Variants in MAP1S observed in about 807,000 individuals in gnomAD.
MAP1S encodes the protein microtubule-associated protein 1S.
A neutral mutation model predicts 60.9 loss-of-function variants in MAP1S; 27 were observed. The ratio of observed to expected loss-of-function variants is 0.44; its 90% CI spans 0.33 to 0.61. The LOEUF is 0.61. Ranked by LOEUF, MAP1S falls within the 20% of genes least tolerant of loss-of-function variation. MAP1S has a pLI of 0.03. For synonymous variants in MAP1S, 826 were observed against 694.2 expected, an observed-to-expected ratio of 1.19 and a Z score of -2.98; for missense variants, 1,608 against 1,486.6, an observed-to-expected ratio of 1.08 and a Z score of -1.34.
chr19:17,731,421 T>A (rs1358850755), intron 5 of MAP1S, among the ~76,000 whole-genome samples: 1 of 152,188 alleles, frequency 6.6e-6, no homozygotes, highest in South Asian at 2.1e-4. Context: ...AGCATACATG[T>A]GATGATTTAT....
At position 17,727,513 on chromosome 19, in the gene MAP1S, C is replaced by T; in HGVS notation, c.2129C>T (p.Ala710Val). Reference sequence around the variant, plus strand: ...TTTGAGCAGGTGCTGCCGCCATCCGCCCCCACCAGTGAGGCTGGGCTGAGC... The same window carrying T: ...TTTGAGCAGGTGCTGCCGCCATCCGTCCCCACCAGTGAGGCTGGGCTGAGC... ...VSFEQVLPPS[A>V]PTSEAGLSLP... Residue 710 changes from alanine to valine, a missense_variant, in exon 5 of 7, where the codon GCC becomes GTC. Ala to Val is a moderately conservative substitution (Grantham distance 64). This residue lies in a region of MAP1S where 1,167 missense variants were observed against 961.4 expected (regional missense o/e 1.21). Coordinates refer to ENST00000324096, the MANE Select transcript of MAP1S (RefSeq NM_018174.6). The surrounding 1 kb of genome is among the most constrained non-coding windows in gnomAD (Gnocchi z 4.1). The T allele has an allele frequency of 6.2e-7, 1 of 1,610,894 alleles. No individual in the cohort carries two copies. Among genetic ancestry groups the T allele is most frequent in the Non-Finnish European group, 8.5e-7 (1 of 1,179,476 alleles).
rs1324381353 is a variant in MAP1S, at chr19:17,726,501, A to G, written c.1117A>G (p.Ser373Gly). 2 of 1,550,780 alleles carry G rather than the reference A, an allele frequency of 1.3e-6. No individual in the cohort carries two copies. The highest frequency in any genetic ancestry group is 1.7e-6 in the Non-Finnish European group (2 of 1,152,608). Residue 373 changes from serine to glycine, a missense_variant, in exon 5 of 7, where the codon AGC becomes GGC. Around this residue, in one of 4 missense-constraint regions of MAP1S, gnomAD observed 1,167 missense variants for 961.4 expected, o/e 1.21. Coordinates refer to ENST00000324096, the MANE Select transcript of MAP1S (RefSeq NM_018174.6). ...GCTGGGCATCACGCCTCTGCCACTC[A>G]GCCGCGGCCCCGTGCCAGCCAAACC... ...AQLGITPLPL[S>G]RGPVPAKPTV... is the part of the protein sequence containing the mutation.
rs2145975600 is a variant in MAP1S, at chr19:17,726,755, C to T, written c.1371C>T (p.Pro457=). 6 of 1,567,498 alleles carry T rather than the reference C, an allele frequency of 3.8e-6. No individual in the cohort carries two copies. The highest frequency in any genetic ancestry group is 1.7e-4 in the Middle Eastern group (1 of 5,886). The change falls in exon 5 of 7, where the codon CCC becomes CCT. Residue 457 remains proline, a synonymous_variant. Coordinates refer to ENST00000324096, the MANE Select transcript of MAP1S (RefSeq NM_018174.6). ...AGCACTTGAGGTTCCTGCGAGAGCC[C>T]GTGGTGACGCCCCAGGACCTGGAGG... ...RLQHLRFLRE[P]VVTPQDLEGP...
At chr19:17,723,349 C>T (rs1418297612) in intron 2 of MAP1S, among the ~76,000 whole-genome samples, 1 of 150,684 alleles carries the variant, frequency 6.6e-6, no homozygotes, top group Non-Finnish European at 1.5e-5. Flanking sequence ...GAGTTTGAGA[C>T]CAGCCTGACC....
At chr19:17,721,883 G>C (rs1014834058) in intron 2 of MAP1S, among the ~76,000 whole-genome samples, 1 of 152,148 alleles carries the variant, frequency 6.6e-6, no homozygotes, top group African/African-American at 2.4e-5. Flanking sequence ...GTGACCCAGG[G>C]TGAGCAGAGC....
In MAP1S at chr19:17,727,146, T is replaced by C; in HGVS notation, c.1762T>C (p.Cys588Arg). The C allele has an allele frequency of 3.1e-6, 5 of 1,590,420 alleles. No individual in the cohort carries two copies. Among genetic ancestry groups the C allele is most frequent in the Non-Finnish European group, 4.3e-6 (5 of 1,171,626 alleles). Residue 588 changes from cysteine to arginine, a missense_variant, in exon 5 of 7, where the codon TGT (cysteine) becomes CGT (arginine). Physicochemically the swap from Cys to Arg is radical, Grantham distance 180. This residue lies in a region of MAP1S where 1,167 missense variants were observed against 961.4 expected (regional missense o/e 1.21). Transcript: ENST00000324096. The surrounding 1 kb of genome is among the most constrained non-coding windows in gnomAD (Gnocchi z 4.1). Reference sequence around the variant, plus strand: ...ACCCCGCAGCCCGCCCAGCCTCCGATGTGGAGAAGCCAGCCCCCCCAGTGC... The same window carrying C: ...ACCCCGCAGCCCGCCCAGCCTCCGACGTGGAGAAGCCAGCCCCCCCAGTGC... The part of the protein sequence containing the change: ...NGPRSPPSLR[C>R]GEASPPSAAC...
chr19:17,727,143 CGATGTGGAGAAGCCAGCCCCCCCA>C lies in MAP1S; in HGVS notation c.1761_1784del (p.Cys588_Ser595del). 4 of 1,590,998 alleles carry C rather than the reference CGATGTGGAGAAGCCAGCCCCCCCA, an allele frequency of 2.5e-6. No individual in the cohort carries two copies. Among genetic ancestry groups the C allele is most frequent in the Non-Finnish European group, 3.4e-6 (4 of 1,171,890 alleles). On this transcript the variant is annotated inframe_deletion, in exon 5 of 7. Coordinates refer to ENST00000324096, the MANE Select transcript of MAP1S (RefSeq NM_018174.6). This position sits in a 1 kb window ranked among gnomAD's most constrained non-coding sequence, Gnocchi z 4.1. Reference sequence around the variant, plus strand: ...TGGACCCCGCAGCCCGCCCAGCCTCCGATGTGGAGAAGCCAGCCCCCCCAGTGCAGCCTGCGGCTCTCCGGCCTC... The same window carrying C: ...TGGACCCCGCAGCCCGCCCAGCCTCCGTGCAGCCTGCGGCTCTCCGGCCTC...
rs1445095913 is a variant in MAP1S, at chr19:17,726,234, C to T, written c.850C>T (p.Arg284Cys). Residue 284 changes from arginine (R) to cysteine (C), a missense_variant, in exon 5 of 7, where the codon CGC becomes TGC. Coordinates refer to ENST00000324096, the MANE Select transcript of MAP1S (RefSeq NM_018174.6). Reference sequence around the variant, plus strand: ...CTGGAAGCTGGTGCGGCACCTGGACCGCGTGGATGCCGTGCTGGTGACCCA... The same window carrying T: ...CTGGAAGCTGGTGCGGCACCTGGACTGCGTGGATGCCGTGCTGGTGACCCA... ...SFWKLVRHLD[R>C]VDAVLVTHPG... The T allele has an allele frequency of 3.1e-6, 5 of 1,608,236 alleles. No individual in the cohort carries two copies. The highest frequency in any genetic ancestry group is 4.2e-6 in the Non-Finnish European group (5 of 1,177,710).
rs751414500 is a variant in MAP1S, at chr19:17,727,094, C to T, written c.1710C>T (p.His570=). Residue 570 remains histidine (H), a synonymous_variant, in exon 5 of 7, where the codon CAC becomes CAT. Transcript: ENST00000324096. This position sits in a 1 kb window ranked among gnomAD's most constrained non-coding sequence, Gnocchi z 4.1. ...CCCGCAAAGCGCCCAGCACGTCCCA[C>T]TCTGGCTTCCCGCCGGTGGCAAATG... ...PKPRKAPSTS[H]SGFPPVANGP... 1.2e-6 allele frequency: 2 copies of T among 1,600,940 alleles called. No homozygotes were observed. The highest frequency in any genetic ancestry group is 1.3e-5 in the African/African-American group (1 of 74,778).
rs777614576 is a variant in MAP1S at position 17,724,135 on chromosome 19, G to C, written c.230G>C (p.Ser77Thr). 3 of 1,613,858 alleles carry C rather than the reference G, an allele frequency of 1.9e-6. No individual in the cohort carries two copies. The highest frequency in any genetic ancestry group is 1.7e-4 in the Middle Eastern group (1 of 6,060). ...CCTGATTCCCCCACAGGCCAGCGGA[G>C]CCTGCACCACCGTGGAGACAACCTG... ...TFSSIVKGQR[S>T]LHHRGDNLET... Residue 77 changes from serine (S) to threonine (T), a missense_variant, in exon 3 of 7, where the codon AGC (serine) becomes ACC (threonine). Around this residue, in one of 4 missense-constraint regions of MAP1S, gnomAD observed 320 missense variants for 393.1 expected, o/e 0.81. Coordinates refer to ENST00000324096, the MANE Select transcript of MAP1S (RefSeq NM_018174.6).
At position 17,726,050 on chromosome 19, in the gene MAP1S, C is replaced by G. The variant is rs144311962; in HGVS notation, c.666C>G (p.Ser222=). ...EYVAESLEPP[S]PFELLEPPTS... is the part of the protein sequence containing the mutation. ...TGGCTGAGTCTCTGGAGCCACCGTC[C>G]CCCTTCGAGCTGCTGGAGCCCCCGA... Residue 222 remains serine, a synonymous_variant, in exon 5 of 7, where the codon TCC becomes TCG. Coordinates refer to ENST00000324096, the MANE Select transcript of MAP1S (RefSeq NM_018174.6). 6.2e-7 allele frequency: 1 copy of G among 1,613,386 alleles called. No individual in the cohort carries two copies. Among genetic ancestry groups the G allele is most frequent in the Non-Finnish European group, 8.5e-7 (1 of 1,179,864 alleles).
In MAP1S at chr19:17,734,227, C is replaced by G. The variant is rs564710454; in HGVS notation, c.3025-46C>G. 5.2e-6 allele frequency: 8 copies of G among 1,551,130 alleles called. No homozygotes were observed. In the Admixed American group the frequency reaches 1.4e-4, roughly 27 times the overall value. On this transcript the variant is annotated intron_variant, in intron 6 of 6. Coordinates refer to ENST00000324096, the MANE Select transcript of MAP1S (RefSeq NM_018174.6). ...GGCCAGAAGGGCAGGGGGCACCCCC[C>G]TCACTGGTGGTCCACTCTCCCCACA...
chr19:17,730,915 G>C lies in MAP1S; in HGVS notation c.2789-2278G>C, dbSNP rs113840092. Among the ~76,000 whole-genome samples the C allele has an allele frequency of 2.8e-3, 359 of 128,638 alleles. 1 individual carries two copies. The highest frequency in any genetic ancestry group is 9.5e-3 in the African/African-American group (325 of 34,368). The allele number at this position is 128,638 out of a possible 152,430, so 84.4% of individuals were successfully genotyped here. ...TTTTTCTTTTTTTTTTTTTTCAGAT[G>C]AGTCTGGCTCTGTTGCCCAGGCTGC... On this transcript the variant is annotated intron_variant, in intron 5 of 6. Coordinates refer to ENST00000324096, the MANE Select transcript of MAP1S (RefSeq NM_018174.6).
intron 5 of MAP1S, among the ~76,000 whole-genome samples, chr19:17,729,306 G>A (rs1014412611): frequency 6.6e-6 from 1 of 152,054 alleles, no homozygotes; most frequent in Non-Finnish European, 1.5e-5. Context: ...CATTACATAG[G>A]CATCTTCTGC....
Position 17,726,135 on chromosome 19 carries a change from G to C in MAP1S, c.751G>C (p.Gly251Arg). ...CTGCTACATCTTCCCTGGAGGCCTC[G>C]GGGATGCCGCCTTCTTCGCCGTCAA... is the stretch of plus-strand genomic sequence containing the variant. ...PCCYIFPGGL[G>R]DAAFFAVNGF... The change falls in exon 5 of 7, where the codon GGG (glycine) becomes CGG (arginine). Residue 251 changes from glycine (G) to arginine (R), a missense_variant. By Grantham distance (125) the Gly-to-Arg change is moderately radical. Transcript: ENST00000324096. The C allele has an allele frequency of 6.2e-7, 1 of 1,613,926 alleles. No homozygotes were observed. Among genetic ancestry groups the C allele is most frequent in the African/African-American group, 1.3e-5 (1 of 75,050 alleles).
intron 2 of MAP1S, among the ~76,000 whole-genome samples, chr19:17,722,049 C>T (rs1229853496): frequency 2.0e-5 from 3 of 152,168 alleles, no homozygotes; most frequent in Non-Finnish European, 4.4e-5. Flanking sequence ...CTTCATGGGG[C>T]AGAAAGTGGA....
At chr19:17,724,902 G>A in intron 3 of MAP1S, 147 bp from the exon 4 acceptor site, 2 of 945,630 alleles carry the variant, frequency 2.1e-6, no homozygotes, top group African/African-American at 1.6e-5. Context: ...CCTGGAGACT[G>A]CCTTCGTAGC....
chr19:17,722,547 G>C (rs1215514024), intron 2 of MAP1S, among the ~76,000 whole-genome samples: 1 of 152,080 alleles, frequency 6.6e-6, no homozygotes, highest in Non-Finnish European at 1.5e-5. Flanking sequence ...TCAGGAGTTC[G>C]AGACCAGCCT....
intron 5 of MAP1S, among the ~76,000 whole-genome samples, chr19:17,729,988 A>G (rs1289018787): frequency 6.6e-6 from 1 of 152,020 alleles, no homozygotes; most frequent in Non-Finnish European, 1.5e-5. Context: ...AAAATTTTTC[A>G]GTAGCACTGG....
Sources: gnomAD v4.1 joint callset for allele counts (sites outside exome capture counted in the v4.1 genomes callset) on GRCh38, gnomAD v4.1.1 for gene constraint, gnomAD v4.1.1 regional missense constraint, Gnocchi (gnomAD v3.1) non-coding constraint, MANE v1.5 for transcripts, NCBI Gene and HGNC (gene_info 2026-07-23, HGNC 2026-07-21) for gene names.